The following MTX2 variants were observed in gnomAD, a reference collection of about 807,000 sequenced individuals.
The protein encoded by MTX2 is metaxin-2.
A neutral mutation model predicts 42.3 loss-of-function variants in MTX2; 35 were observed. The observed-to-expected ratio is 0.83, with a 90% CI of 0.63 to 1.10. The LOEUF (loss-of-function observed/expected upper bound fraction) is 1.10, where lower values mean the gene tolerates loss of function less well. MTX2 is among the 50% of genes least tolerant of loss of function. The pLI, the probability that MTX2 is intolerant of heterozygous loss-of-function variation, is 0.00. For missense variants in MTX2, 307 were observed against 304.1 expected, an observed-to-expected ratio of 1.01 and a Z score of -0.07; for synonymous variants, 119 against 100.9, an observed-to-expected ratio of 1.18 and a Z score of -1.08.
chr2:176,310,701 C>A (rs1684282488), intron 3 of MTX2, among the ~76,000 whole-genome samples: 1 of 152,166 alleles, frequency 6.6e-6, no homozygotes, highest in South Asian at 2.1e-4. Context: ...GCTATTGAAT[C>A]TTGTGCATGC....
At chr2:176,276,275 T>C (rs367833380) in intron 1 of MTX2, among the ~76,000 whole-genome samples, 1 of 152,246 alleles carries the variant, frequency 6.6e-6, no homozygotes, top group Non-Finnish European at 1.5e-5. Context: ...GCTCCAGCCA[T>C]GTTTATTTTC....
chr2:176,277,377 A>T (rs1451969785), intron 1 of MTX2, among the ~76,000 whole-genome samples: 1 of 152,226 alleles, frequency 6.6e-6, no homozygotes, highest in Non-Finnish European at 1.5e-5. Context: ...TGCAACAGAT[A>T]ATTGAAGAAA....
chr2:176,329,169 G>T, intron 7 of MTX2, 132 bp from the exon 8 acceptor site: 3 of 1,106,100 alleles, frequency 2.7e-6, no homozygotes, highest in East Asian at 2.7e-5. Context: ...TTTTTAGATT[G>T]CAGGATGTGT....
chr2:176,277,339 A>G (rs927965695), intron 1 of MTX2, among the ~76,000 whole-genome samples: 7 of 152,214 alleles, frequency 4.6e-5, no homozygotes, highest in African/African-American at 1.7e-4. Flanking sequence ...TTGTATATCC[A>G]TGTATCAGAA....
chr2:176,312,293 A>T (rs540410408), intron 3 of MTX2, among the ~76,000 whole-genome samples: 1 of 152,276 alleles, frequency 6.6e-6, no homozygotes, highest in South Asian at 2.1e-4. Flanking sequence ...TGGCTTGTTC[A>T]TTAAGCAAAT....
chr2:176,330,064 G>T (rs1353482722), intron 8 of MTX2, among the ~76,000 whole-genome samples: 1 of 150,966 alleles, frequency 6.6e-6, no homozygotes, highest in African/African-American at 2.4e-5. Context: ...TGTGCCATTG[G>T]CTACAAGGGG....
At chr2:176,278,041 GTTTTTT>G (rs59379339) in intron 1 of MTX2, among the ~76,000 whole-genome samples, 18 of 84,842 alleles carry the variant, frequency 2.1e-4, no homozygotes, top group Non-Finnish European at 2.7e-4. Flanking sequence ...GTTGAAACTG[GTTTTTT>G]TTTTTTTTTT....
chr2:176,322,890 T>C (rs1024293402), intron 3 of MTX2, among the ~76,000 whole-genome samples: 2 of 151,910 alleles, frequency 1.3e-5, no homozygotes, highest in Non-Finnish European at 2.9e-5. Context: ...AAAAAGTGAA[T>C]TCGTGAGCAC....
At chr2:176,291,919 T>C (rs1693338130) in intron 1 of MTX2, among the ~76,000 whole-genome samples, 1 of 152,072 alleles carries the variant, frequency 6.6e-6, no homozygotes, top group Non-Finnish European at 1.5e-5. Context: ...GGGATGTGTG[T>C]GTGATGAGGT....
At chr2:176,308,526 G>A (rs1333670467) in intron 3 of MTX2, among the ~76,000 whole-genome samples, 5 of 152,072 alleles carry the variant, frequency 3.3e-5, no homozygotes, top group Admixed American at 6.6e-5. Context: ...GGTCCTGGAC[G>A]TTTTTTGGTT....
chr2:176,288,519 G>A (rs1026479918), intron 1 of MTX2, among the ~76,000 whole-genome samples: 1 of 151,420 alleles, frequency 6.6e-6, no homozygotes, highest in African/African-American at 2.4e-5. Flanking sequence ...TTGGAGATAG[G>A]CTACCCATGT....
At chr2:176,287,453 G>A (rs1693231869) in intron 1 of MTX2, among the ~76,000 whole-genome samples, 1 of 152,162 alleles carries the variant, frequency 6.6e-6, no homozygotes, top group Non-Finnish European at 1.5e-5. Context: ...TCATTGAAGT[G>A]TTTTGGATGT....
intron 7 of MTX2, among the ~76,000 whole-genome samples, 155 bp from the exon 8 acceptor site, chr2:176,329,146 T>A (rs964990533): frequency 2.0e-5 from 3 of 151,306 alleles, no homozygotes; most frequent in Non-Finnish European, 3.0e-5. Flanking sequence ...AGGGAATGGC[T>A]TAAAATTTTA....
At chr2:176,301,641 T>G (rs1684024739) in intron 3 of MTX2, among the ~76,000 whole-genome samples, 2 of 152,260 alleles carry the variant, frequency 1.3e-5, no homozygotes, top group South Asian at 4.1e-4. Flanking sequence ...GGATCGACAG[T>G]CCACACTCAT....
At chr2:176,328,441 A>C (rs934659186) in intron 6 of MTX2, 56 bp downstream of exon 6, 3 of 1,144,316 alleles carry the variant, frequency 2.6e-6, no homozygotes, top group South Asian at 1.9e-5. Context: ...TTCTCATAAA[A>C]TATAATCTTT....
Position 176,271,338 on chromosome 2 carries a change from A to G in MTX2, c.40+1669A>G, listed in dbSNP as rs969472825. ...TAGATTATTTTAATAATCCTTGGAT[A>G]GCAGAAGAGGCCTAAGCAAAACTTA... On this transcript the variant is annotated intron_variant, in intron 1 of 9. Coordinates refer to ENST00000249442, the MANE Select transcript of MTX2 (RefSeq NM_006554.5). Among the ~76,000 whole-genome samples, 6 of 152,346 alleles carry G rather than the reference A, an allele frequency of 3.9e-5. No homozygotes were observed. The South Asian group carries it at 1.2e-3, about 32-fold the overall frequency.
In MTX2 at chr2:176,325,679, C is replaced by T. The variant is rs1684691061; in HGVS notation, c.209-1146C>T. On this transcript the variant is annotated intron_variant, in intron 4 of 9. Transcript: ENST00000249442. ...TCTCAGATCATTTGATCTCAGGGGA[C>T]CTGTAATAATTCTGGTAGTATAGTA... 2.6e-5 allele frequency among the ~76,000 whole-genome samples: 4 copies of T among 151,788 alleles called. No individual in the cohort carries two copies. In the South Asian group the frequency reaches 8.3e-4, roughly 31 times the overall value.
At chr2:176,270,395 G>A (rs748798130) in intron 1 of MTX2, 16 of 1,363,406 alleles carry the variant, frequency 1.2e-5, no homozygotes, top group Middle Eastern at 3.2e-4. Flanking sequence ...TGAGTCGGTG[G>A]ACTGAACATG....
chr2:176,285,527 C>G (rs1398667662), intron 1 of MTX2, among the ~76,000 whole-genome samples: 1 of 151,660 alleles, frequency 6.6e-6, no homozygotes, highest in Non-Finnish European at 1.5e-5. Context: ...ACAGCCACTC[C>G]TCATTCCCAC....
Sources: allele counts gnomAD v4.1 joint callset (sites outside exome capture counted in the v4.1 genomes callset), GRCh38; gene constraint gnomAD v4.1.1; transcripts MANE v1.5; gene names NCBI Gene and HGNC (gene_info 2026-07-23, HGNC 2026-07-21).